The following PTPN4 variants were observed in gnomAD, a reference collection of about 807,000 sequenced individuals.
The protein encoded by PTPN4 is protein tyrosine phosphatase non-receptor type 4.
In PTPN4, 49 loss-of-function variants were observed where a neutral mutation model predicts 135.5. The ratio of observed to expected loss-of-function variants is 0.36; its 90% CI spans 0.29 to 0.46. The LOEUF (loss-of-function observed/expected upper bound fraction) is 0.46. PTPN4 is among the 20% of genes least tolerant of loss of function. PTPN4 has a pLI of 1.00. For missense variants in PTPN4, 860 were observed against 1,101.0 expected, an observed-to-expected ratio of 0.78 and a Z score of 3.10; for synonymous variants, 333 against 369.9, an observed-to-expected ratio of 0.90 and a Z score of 1.14.
chr2:119,827,096 C>T (rs756956321), intron 2 of PTPN4, among the ~76,000 whole-genome samples: 2 of 152,132 alleles, frequency 1.3e-5, no homozygotes, highest in Non-Finnish European at 2.9e-5. Flanking sequence ...AAAGTTGAGT[C>T]AAGTGATTTT....
At chr2:119,838,281 G>A (rs983253025) in intron 2 of PTPN4, among the ~76,000 whole-genome samples, 1 of 151,994 alleles carries the variant, frequency 6.6e-6, no homozygotes, top group African/African-American at 2.4e-5. Context: ...ACATGTACCA[G>A]GTGTAGCCTG....
chr2:119,937,076 A>C (rs1014496840), intron 15 of PTPN4, among the ~76,000 whole-genome samples: 1 of 152,240 alleles, frequency 6.6e-6, no homozygotes, highest in Non-Finnish European at 1.5e-5. Flanking sequence ...ATAGATAAGA[A>C]AGCCACACTT....
At chr2:119,775,096 GAAAAAAAAAAAAAAAAAA>G (rs35234122) in intron 1 of PTPN4, among the ~76,000 whole-genome samples, 5 of 66,766 alleles carry the variant, frequency 7.5e-5, no homozygotes, top group Non-Finnish European at 1.4e-4. Context: ...GCCCTATTCT[GAAAAAAAAAAAAAAAAAA>G]AAAAAAAAAA....
intron 1 of PTPN4, among the ~76,000 whole-genome samples, chr2:119,778,917 C>CTTT (rs59130177): frequency 0.34 from 52,194 of 151,744 alleles, 9,469 homozygotes; most frequent in African/African-American, 0.46. Flanking sequence ...ACCAGGAATA[C>CTTT]TTTGTTGTCG....
In PTPN4 at chr2:119,765,914, CTG is replaced by C. The variant is rs61700411; in HGVS notation, c.-18+5549_-18+5550del. ...TGGTTGTCTGTTCCTGTGTGTGAAT[CTG>C]TGTGTGTGTGTGTGTGTGCGCGCGC... On this transcript the variant is annotated intron_variant, in intron 1 of 26. Transcript: ENST00000263708. Among the ~76,000 whole-genome samples, 137 of 150,370 alleles carry C rather than the reference CTG, an allele frequency of 9.1e-4. 1 individual carries two copies. Among genetic ancestry groups the C allele is most frequent in the African/African-American group, 2.9e-3 (121 of 41,042 alleles).
intron 9 of PTPN4, 38 bp from the exon 10 acceptor site, chr2:119,900,680 A>G: frequency 1.6e-6 from 2 of 1,271,348 alleles, no homozygotes; most frequent in South Asian, 1.5e-5. Context: ...AAGCCCATAA[A>G]TTTAGATTTA....
intron 24 of PTPN4, among the ~76,000 whole-genome samples, chr2:119,964,423 CTT>C (rs995857796): frequency 6.6e-6 from 1 of 152,186 alleles, no homozygotes; most frequent in African/African-American, 2.4e-5. Flanking sequence ...ACTGATTTGA[CTT>C]TGTGTTTTTA....
intron 9 of PTPN4, among the ~76,000 whole-genome samples, chr2:119,889,785 T>C (rs755902572): frequency 7.9e-5 from 12 of 152,216 alleles, no homozygotes; most frequent in Non-Finnish European, 2.9e-5. Flanking sequence ...TCAGTGCCTT[T>C]GTTGTATCCC....
At chr2:119,788,739 G>A (rs905330754) in intron 1 of PTPN4, among the ~76,000 whole-genome samples, 2 of 152,154 alleles carry the variant, frequency 1.3e-5, no homozygotes, top group African/African-American at 4.8e-5. Context: ...CATCTGCATT[G>A]TAGCATGTGT....
At chr2:119,791,816 A>G (rs981468786) in intron 1 of PTPN4, among the ~76,000 whole-genome samples, 4 of 152,142 alleles carry the variant, frequency 2.6e-5, no homozygotes, top group African/African-American at 9.7e-5. Context: ...GGATGTGTAG[A>G]TTAATTTTTC....
intron 2 of PTPN4, among the ~76,000 whole-genome samples, chr2:119,832,301 C>T (rs1184046267): frequency 6.6e-6 from 1 of 152,128 alleles, no homozygotes; most frequent in Non-Finnish European, 1.5e-5. Flanking sequence ...AATAATTTAT[C>T]TGGCAATTTT....
At chr2:119,817,237 A>G (rs1003778526) in intron 2 of PTPN4, among the ~76,000 whole-genome samples, 1 of 151,752 alleles carries the variant, frequency 6.6e-6, no homozygotes, top group Non-Finnish European at 1.5e-5. Flanking sequence ...ATTTTTGTAT[A>G]TGGCTTAAGG....
At chr2:119,913,758 T>G (rs942387714) in intron 10 of PTPN4, among the ~76,000 whole-genome samples, 1 of 152,108 alleles carries the variant, frequency 6.6e-6, no homozygotes, top group African/African-American at 2.4e-5. Context: ...ATTGTTCCAG[T>G]TAAAAAAAAA....
intron 2 of PTPN4, among the ~76,000 whole-genome samples, chr2:119,845,503 C>G (rs1677483978): frequency 6.6e-6 from 1 of 152,142 alleles, no homozygotes. Flanking sequence ...TATCTATCGG[C>G]ATACATTTGT....
chr2:119,801,443 A>G (rs1309386052), intron 1 of PTPN4, among the ~76,000 whole-genome samples: 4 of 152,202 alleles, frequency 2.6e-5, no homozygotes, highest in Admixed American at 1.3e-4. Flanking sequence ...ACAAAAAAGT[A>G]CTGGGATTTT....
At chr2:119,840,438 A>G (rs576755944) in intron 2 of PTPN4, among the ~76,000 whole-genome samples, 22 of 152,348 alleles carry the variant, frequency 1.4e-4, no homozygotes, top group African/African-American at 4.8e-4. Flanking sequence ...AAAGGACTGC[A>G]TAGTATTCCA....
intron 11 of PTPN4, among the ~76,000 whole-genome samples, chr2:119,917,314 A>C (rs1452324922): frequency 6.6e-6 from 1 of 152,236 alleles, no homozygotes; most frequent in Non-Finnish European, 1.5e-5. Flanking sequence ...GACAGTATAC[A>C]GGGATCCTTT....
At chr2:119,917,279 A>C (rs552089703) in intron 11 of PTPN4, among the ~76,000 whole-genome samples, 1 of 152,344 alleles carries the variant, frequency 6.6e-6, no homozygotes, top group South Asian at 2.1e-4. Flanking sequence ...TAACAGCAAC[A>C]ATAGCTAACT....
Position 119,784,425 on chromosome 2 carries a change from C to T in PTPN4, c.-18+24041C>T, listed in dbSNP as rs1323909142. Among the ~76,000 whole-genome samples the T allele has an allele frequency of 3.2e-3, 428 of 135,124 alleles. 2 individuals are homozygous for T. The highest frequency in any genetic ancestry group is 0.011 in the African/African-American group (403 of 36,656). 88.6% of individuals were successfully genotyped at this position (135,124 alleles called of 152,430 possible). ...TTTTTGAGACAGAGTCTTGCTCTGT[C>T]GCCCAGGCTGGAGTGAAGTGGCGCA... is the stretch of plus-strand genomic sequence containing the variant. On this transcript the variant is annotated intron_variant, in intron 1 of 26. Coordinates refer to ENST00000263708, the MANE Select transcript of PTPN4 (RefSeq NM_002830.4).
Sources: gnomAD v4.1 joint callset for allele counts (sites outside exome capture counted in the v4.1 genomes callset) on GRCh38, gnomAD v4.1.1 for gene constraint, MANE v1.5 for transcripts, NCBI Gene and HGNC (gene_info 2026-07-23, HGNC 2026-07-21) for gene names.